The following SHISA9 variants were observed in gnomAD, a reference collection of about 807,000 sequenced individuals.
The protein encoded by SHISA9 is shisa family member 9.
Under a neutral mutation model 38.0 loss-of-function variants are expected in SHISA9, and 13 were observed. The ratio of observed to expected loss-of-function variants is 0.34; its 90% CI spans 0.22 to 0.54. The LOEUF (loss-of-function observed/expected upper bound fraction) is 0.54, where lower values mean the gene tolerates loss of function less well. Ranked by LOEUF, SHISA9 falls within the 20% of genes least tolerant of loss-of-function variation. The probability of loss-of-function intolerance (pLI) is 0.91; values close to 1 mark genes in which losing one functional copy is unlikely to be tolerated. For missense variants in SHISA9, 538 were observed against 575.8 expected (o/e 0.93, Z 0.67); for synonymous variants, 275 against 242.0 (o/e 1.14, Z -1.27).
the SHISA9 span, among the ~76,000 whole-genome samples, chr16:13,504,741 A>G: frequency 6.6e-6 from 1 of 152,212 alleles, no homozygotes; most frequent in Non-Finnish European, 1.5e-5. Context: ...TTCTGTGCCC[A>G]TTATATATCA....
At chr16:13,295,933 T>G in the SHISA9 span, among the ~76,000 whole-genome samples, 1 of 152,170 alleles carries the variant, frequency 6.6e-6, no homozygotes, top group Non-Finnish European at 1.5e-5. Flanking sequence ...ATAAGGCAAG[T>G]CCTCGTGGGA....
At chr16:13,245,211 C>A (rs1348316133), downstream of SHISA9, among the ~76,000 whole-genome samples, 1 of 152,148 alleles carries the variant, frequency 6.6e-6, no homozygotes, top group Non-Finnish European at 1.5e-5. Context: ...GCCTCTGCAC[C>A]CTGCCTTATT....
chr16:13,106,990 C>CTA (rs2073931701), intron 2 of SHISA9, among the ~76,000 whole-genome samples: 2 of 148,346 alleles, frequency 1.3e-5, no homozygotes, highest in Non-Finnish European at 1.5e-5. Context: ...CTCTCTCTCT[C>CTA]TCTCTCTCTC....
the SHISA9 span, among the ~76,000 whole-genome samples, chr16:13,542,249 T>C: frequency 3.3e-5 from 5 of 152,100 alleles, no homozygotes; most frequent in African/African-American, 7.2e-5. Context: ...ATAATGTATA[T>C]CTATTGTCTT....
the SHISA9 span, among the ~76,000 whole-genome samples, chr16:13,455,612 A>G: frequency 6.6e-6 from 1 of 152,162 alleles, no homozygotes; most frequent in Non-Finnish European, 1.5e-5. Flanking sequence ...TGTTCATTCA[A>G]CCCTTTACAA....
the SHISA9 span, among the ~76,000 whole-genome samples, chr16:13,530,827 C>G: frequency 1.1e-4 from 17 of 152,162 alleles, no homozygotes; most frequent in African/African-American, 3.9e-4. Context: ...AAATCCCATT[C>G]CCTCCATTGG....
chr16:13,407,787 A>G, the SHISA9 span, among the ~76,000 whole-genome samples: 2 of 152,204 alleles, frequency 1.3e-5, no homozygotes, highest in African/African-American at 2.4e-5. Flanking sequence ...CCTGATGAAA[A>G]AAAGAAACTT....
the SHISA9 span, among the ~76,000 whole-genome samples, chr16:13,421,234 A>G: frequency 3.0e-4 from 45 of 152,254 alleles, no homozygotes; most frequent in African/African-American, 1.0e-3. Flanking sequence ...TCTGCATTCC[A>G]TATAATTCCA....
the SHISA9 span, among the ~76,000 whole-genome samples, chr16:13,535,181 G>A: frequency 6.6e-6 from 1 of 152,172 alleles, no homozygotes; most frequent in Non-Finnish European, 1.5e-5. Context: ...AGGAGGCAGA[G>A]GTTGCAGTGA....
chr16:13,261,256 G>C, the SHISA9 span, among the ~76,000 whole-genome samples: 1 of 152,132 alleles, frequency 6.6e-6, no homozygotes, highest in African/African-American at 2.4e-5. Context: ...TATTTTAGGA[G>C]TCCATGGGAG....
At chr16:13,146,309 A>C (rs1464802480) in intron 2 of SHISA9, among the ~76,000 whole-genome samples, 1 of 152,354 alleles carries the variant, frequency 6.6e-6, no homozygotes, top group South Asian at 2.1e-4. Context: ...CAGGATATGA[A>C]AAGGGCATAA....
At chr16:13,107,447 C>T (rs893572714) in intron 2 of SHISA9, among the ~76,000 whole-genome samples, 4 of 143,004 alleles carry the variant, frequency 2.8e-5, no homozygotes, top group African/African-American at 5.2e-5. Context: ...CAAAAACAAA[C>T]AAACAAACAA....
chr16:12,986,131 A>G (rs1355269135), intron 2 of SHISA9, among the ~76,000 whole-genome samples: 1 of 152,202 alleles, frequency 6.6e-6, no homozygotes, highest in African/African-American at 2.4e-5. Context: ...TAGTTTTTAA[A>G]TAAATTGCTC....
the SHISA9 span, among the ~76,000 whole-genome samples, chr16:13,300,403 C>T: frequency 1.3e-5 from 2 of 152,016 alleles, no homozygotes; most frequent in Admixed American, 6.6e-5. Context: ...CCAGGTGGGC[C>T]CTCCTGGAGA....
the SHISA9 span, among the ~76,000 whole-genome samples, chr16:13,487,795 T>G: frequency 6.6e-6 from 1 of 152,196 alleles, no homozygotes; most frequent in African/African-American, 2.4e-5. Context: ...TTTTTCCGGA[T>G]ATTTGCTACT....
the SHISA9 span, among the ~76,000 whole-genome samples, chr16:13,543,556 G>A: frequency 6.6e-6 from 1 of 152,248 alleles, no homozygotes; most frequent in East Asian, 1.9e-4. Flanking sequence ...TTGATCTTGA[G>A]CACTGTGATT....
chr16:13,371,917 C>A, the SHISA9 span, among the ~76,000 whole-genome samples: 1 of 152,234 alleles, frequency 6.6e-6, no homozygotes, highest in Non-Finnish European at 1.5e-5. Context: ...CTCAAACCCA[C>A]CCAGAGTCAC....
the SHISA9 span, among the ~76,000 whole-genome samples, chr16:13,496,720 AT>A: frequency 1.3e-5 from 2 of 152,288 alleles, no homozygotes; most frequent in East Asian, 3.9e-4. Flanking sequence ...CCTGTGTAGT[AT>A]TTGACATAAA....
the SHISA9 span, among the ~76,000 whole-genome samples, chr16:13,399,840 A>G: frequency 1.3e-5 from 2 of 152,134 alleles, no homozygotes; most frequent in African/African-American, 4.8e-5. Flanking sequence ...AGGTGATGCA[A>G]TTTTGCTGTC....
Sources: allele counts gnomAD v4.1 joint callset (sites outside exome capture counted in the v4.1 genomes callset), GRCh38; gene constraint gnomAD v4.1.1; transcripts MANE v1.5; gene names NCBI Gene and HGNC (gene_info 2026-07-23, HGNC 2026-07-21).